MDN1: variants seen among roughly 807,000 people sequenced by gnomAD.
MDN1 encodes the protein midasin.
A neutral mutation model predicts 669.2 loss-of-function variants in MDN1; 266 were observed. That is an observed-to-expected ratio of 0.40 (90% CI 0.36 to 0.44). The LOEUF is 0.44. Ranked by LOEUF, MDN1 falls within the 20% of genes least tolerant of loss-of-function variation. The pLI is 1.00. For synonymous variants in MDN1, 2,385 were observed against 2,457.1 expected, an observed-to-expected ratio of 0.97 and a Z score of 0.87; for missense variants, 5,940 against 6,754.0, an observed-to-expected ratio of 0.88 and a Z score of 4.22.
At position 89,673,154 on chromosome 6, in the gene MDN1, T is replaced by C. The variant is rs974767969; in HGVS notation, c.13474+82A>G. 8.9e-6 allele frequency: 11 copies of C among 1,231,388 alleles called. No homozygotes were observed. The South Asian group carries it at 1.1e-4, about 12-fold the overall frequency. 76.3% of individuals were successfully genotyped at this position (1,231,388 alleles called of 1,614,324 possible). A position where few individuals can be genotyped will look rare whatever the true frequency, so the allele number is the denominator to read the frequency against. On this transcript the variant is annotated intron_variant, in intron 80 of 101. Transcript: ENST00000369393. Reference sequence around the variant, plus strand: ...TACATGTAGACCAAAATATAATGTGTCTTTTGGACAATGAGACTTACATCT... The same window carrying C: ...TACATGTAGACCAAAATATAATGTGCCTTTTGGACAATGAGACTTACATCT...
At position 89,762,458 on chromosome 6, in the gene MDN1, T is replaced by C. The variant is rs541654873; in HGVS notation, c.2217A>G (p.Thr739=). The C allele has an allele frequency of 5.0e-5, 81 of 1,614,114 alleles. No homozygotes were observed. The South Asian group carries it at 7.9e-4, about 16-fold the overall frequency. Residue 739 remains threonine (T), a synonymous_variant, in exon 16 of 102, where the codon ACA becomes ACG. Coordinates refer to ENST00000369393, the MANE Select transcript of MDN1 (RefSeq NM_014611.3). Reference sequence around the variant, plus strand: ...ACGTAAAGTTTTGTTTCTTGGAAAATGTCTGAGCAAAGAGTTCCTCAAATG... The same window carrying C: ...ACGTAAAGTTTTGTTTCTTGGAAAACGTCTGAGCAAAGAGTTCCTCAAATG... The part of the protein sequence containing the change: ...REAFEELFAQ[T]FSKKQNFTFL...
chr6:89,694,206 G>A lies in MDN1; in HGVS notation c.9772-23C>T, dbSNP rs761072095. ...TAACTAATGGAAAAGAGAGAAGTTAGTCCACTGTGTCCCAGCTATGACCAT... is the reference window on the plus strand; with the variant it reads ...TAACTAATGGAAAAGAGAGAAGTTAATCCACTGTGTCCCAGCTATGACCAT... On this transcript the variant is annotated intron_variant, in intron 61 of 101. Coordinates refer to ENST00000369393, the MANE Select transcript of MDN1 (RefSeq NM_014611.3). 4.6e-5 allele frequency: 73 copies of A among 1,576,300 alleles called. No homozygotes were observed. The South Asian group carries it at 6.4e-4, about 14-fold the overall frequency.
intron 1 of MDN1, among the ~76,000 whole-genome samples, chr6:89,806,728 A>G (rs1350637751): frequency 6.6e-6 from 1 of 151,916 alleles, no homozygotes; most frequent in Non-Finnish European, 1.5e-5. Context: ...CCTCAATAAA[A>G]AAATTTTTAA....
chr6:89,694,081 G>A lies in MDN1; in HGVS notation c.9874C>T (p.His3292Tyr), dbSNP rs1812557469. The change falls in exon 62 of 102, where the codon CAC (histidine) becomes TAC (tyrosine). Residue 3292 changes from histidine to tyrosine, a missense_variant. This residue lies in a region of MDN1 where 150 missense variants were observed against 234.2 expected (regional missense o/e 0.64). Transcript: ENST00000369393. ...ATCACTCTGCTGTGTTACCTGACGT[G>A]AGGATGAGAGTAGCTGACAACGACT... ...DEVVVSYSHPHVRLLRQRMDR... is the reference protein window; with the variant it reads ...DEVVVSYSHPYVRLLRQRMDR... The A allele has an allele frequency of 6.2e-7, 1 of 1,613,318 alleles. No individual in the cohort carries two copies. The highest frequency in any genetic ancestry group is 1.3e-5 in the African/African-American group (1 of 74,906).
At chr6:89,729,200 T>A (rs538244802) in intron 35 of MDN1, 61 bp from the exon 36 acceptor site, 10 of 1,356,868 alleles carry the variant, frequency 7.4e-6, no homozygotes, top group Non-Finnish European at 1.0e-5. Flanking sequence ...CATGTATGCA[T>A]CAACTCAAGA....
chr6:89,748,050 G>C (rs1279471906), intron 26 of MDN1, among the ~76,000 whole-genome samples: 1 of 151,710 alleles, frequency 6.6e-6, no homozygotes, highest in Non-Finnish European at 1.5e-5. Context: ...AATGCAAATG[G>C]GCGCAGTGGC....
At chr6:89,814,012 A>G (rs1015754480) in intron 1 of MDN1, among the ~76,000 whole-genome samples, 18 of 152,020 alleles carry the variant, frequency 1.2e-4, no homozygotes, top group Non-Finnish European at 7.4e-5. Context: ...CTAAAGTAAG[A>G]TGATCAGTTG....
chr6:89,688,030 T>C, intron 67 of MDN1, 48 bp downstream of exon 67: 1 of 1,478,170 alleles, frequency 6.8e-7, no homozygotes, highest in Non-Finnish European at 9.5e-7. Context: ...GACGTATCTT[T>C]TGCCAACTGA....
intron 2 of MDN1, among the ~76,000 whole-genome samples, chr6:89,802,939 T>C (rs570560781): frequency 6.6e-6 from 1 of 152,342 alleles, no homozygotes; most frequent in East Asian, 1.9e-4. Context: ...ACTATAGCTC[T>C]TCTAATCCAC....
chr6:89,669,953 C>T (rs1810525701), intron 83 of MDN1, among the ~76,000 whole-genome samples: 1 of 151,362 alleles, frequency 6.6e-6, no homozygotes, highest in Non-Finnish European at 1.5e-5. Context: ...ACATGTAATC[C>T]CAGCACTTTG....
At chr6:89,780,404 CTTCT>C in intron 10 of MDN1, 111 bp from the exon 11 acceptor site, 1 of 510,310 alleles carries the variant, frequency 2.0e-6, no homozygotes, top group Non-Finnish European at 3.4e-6. Flanking sequence ...TGATAACTTT[CTTCT>C]TTCTTCTGAC....
At chr6:89,811,570 C>A (rs370324906) in intron 1 of MDN1, among the ~76,000 whole-genome samples, 6 of 152,160 alleles carry the variant, frequency 3.9e-5, no homozygotes, top group African/African-American at 1.2e-4. Context: ...CACAGCCTCC[C>A]AAGTAGCTGG....
chr6:89,763,361 T>C (rs1817652664), intron 15 of MDN1, among the ~76,000 whole-genome samples: 1 of 150,080 alleles, frequency 6.7e-6, no homozygotes, highest in African/African-American at 2.4e-5. Context: ...AAAAAAATCT[T>C]AGCTATTGCA....
chr6:89,790,325 CT>C lies in MDN1; in HGVS notation c.931del (p.Ser311ValfsTer21). On this transcript the variant is annotated frameshift_variant, in exon 6 of 102. Transcript: ENST00000369393. LOFTEE classifies it high-confidence loss of function. ...AACCGCCATAGCCAGGGTCTGAAGA[CT>C]TTTGCAGACAGACTCAACCAGCACA... is the stretch of plus-strand genomic sequence containing the variant. ...SYVLVESVCKSLQTLAMAVAS... is the reference protein window; with the variant it reads ...SYVLVESVCKXLQTLAMAVAS... The C allele has an allele frequency of 6.2e-7, 1 of 1,614,130 alleles. No homozygotes were observed. The highest frequency in any genetic ancestry group is 8.5e-7 in the Non-Finnish European group (1 of 1,180,032).
At chr6:89,758,534 T>G (rs1041927382) in intron 18 of MDN1, among the ~76,000 whole-genome samples, 183 bp from the exon 19 acceptor site, 9 of 152,174 alleles carry the variant, frequency 5.9e-5, no homozygotes, top group Non-Finnish European at 1.3e-4. Context: ...TTGCGGTATG[T>G]TTATTCACTG....
At chr6:89,677,765 T>G (rs368399546) in intron 75 of MDN1, 69 bp from the exon 76 acceptor site, 4 of 1,600,950 alleles carry the variant, frequency 2.5e-6, no homozygotes. Flanking sequence ...CCCTCTCCCC[T>G]GCTACTCAAA....
chr6:89,735,260 C>T (rs1815885632), intron 33 of MDN1, among the ~76,000 whole-genome samples: 1 of 150,658 alleles, frequency 6.6e-6, no homozygotes, highest in African/African-American at 2.4e-5. Context: ...GTACATTAAC[C>T]AATGTAATAC....
chr6:89,690,446 A>G (rs1219199333), intron 64 of MDN1, among the ~76,000 whole-genome samples: 1 of 152,008 alleles, frequency 6.6e-6, no homozygotes. Context: ...TAGCATGCAC[A>G]TGCAGTCACA....
chr6:89,818,306 GC>G (rs773378332), intron 1 of MDN1, among the ~76,000 whole-genome samples: 2 of 126,644 alleles, frequency 1.6e-5, no homozygotes, highest in South Asian at 5.3e-4. Context: ...GGACGACAGA[GC>G]GTGCCTCCGT....
Sources: gnomAD v4.1 joint callset for allele counts (sites outside exome capture counted in the v4.1 genomes callset) on GRCh38, gnomAD v4.1.1 for gene constraint, gnomAD v4.1.1 regional missense constraint, MANE v1.5 for transcripts, NCBI Gene and HGNC (gene_info 2026-07-23, HGNC 2026-07-21) for gene names.